The following MAST4 variants were observed in gnomAD, a reference collection of about 807,000 sequenced individuals.
MAST4 encodes the protein microtubule associated serine/threonine kinase family member 4.
A neutral mutation model predicts 162.7 loss-of-function variants in MAST4; 89 were observed. The observed-to-expected ratio is 0.55, with a 90% CI of 0.46 to 0.65. MAST4 has a LOEUF of 0.65. Ranked by LOEUF, MAST4 falls within the 30% of genes least tolerant of loss-of-function variation. MAST4 has a pLI of 0.00. For synonymous variants in MAST4, 1,479 were observed against 1,361.1 expected (o/e 1.09, Z -1.91); for missense variants, 3,153 against 3,374.0 (o/e 0.93, Z 1.62).
At chr5:67,136,987 C>T (rs73766481) in intron 19 of MAST4, among the ~76,000 whole-genome samples, 5,397 of 152,218 alleles carry the variant, frequency 0.035, 314 homozygotes, top group African/African-American at 0.12. Flanking sequence ...TCTTCTATCC[C>T]GAAAAGCATG....
rs778878694 is a variant in MAST4, at chr5:66,929,834, G to A, written c.674+29852G>A. ...AAGGTAGACTCTACATGCTAAGGAT[G>A]ATGGAACTGCAAGGTGGAAGTAGCT... On this transcript the variant is annotated intron_variant, in intron 4 of 28. Coordinates refer to ENST00000403625, the MANE Select transcript of MAST4 (RefSeq NM_001164664.2). Among the ~76,000 whole-genome samples the A allele has an allele frequency of 9.2e-5, 14 of 152,318 alleles. 1 individual carries two copies. Among genetic ancestry groups the A allele is most frequent in the South Asian group, 4.1e-4 (2 of 4,824 alleles).
At chr5:66,604,331 C>T (rs1427591923) in intron 1 of MAST4, among the ~76,000 whole-genome samples, 1 of 152,144 alleles carries the variant, frequency 6.6e-6, no homozygotes, top group African/African-American at 2.4e-5. Flanking sequence ...CCATCAATTC[C>T]CCTCTCAGAC....
chr5:67,007,838 A>ACAGCC (rs1752221574), intron 4 of MAST4, among the ~76,000 whole-genome samples: 1 of 152,246 alleles, frequency 6.6e-6, no homozygotes, highest in Non-Finnish European at 1.5e-5. Context: ...CTTAAAACCT[A>ACAGCC]CAGCCCTACT....
At chr5:67,154,436 T>G (rs569878532) in intron 26 of MAST4, among the ~76,000 whole-genome samples, 5 of 152,372 alleles carry the variant, frequency 3.3e-5, no homozygotes, top group African/African-American at 1.2e-4. Flanking sequence ...GAGACATAAT[T>G]GATCACTTTC....
At chr5:66,656,516 T>C (rs41358345) in intron 1 of MAST4, among the ~76,000 whole-genome samples, 2,897 of 152,166 alleles carry the variant, frequency 0.019, 94 homozygotes, top group African/African-American at 0.066. Context: ...AGTCACAGGG[T>C]TATCTGGTCT....
At chr5:66,932,060 T>C (rs1224273021) in intron 4 of MAST4, among the ~76,000 whole-genome samples, 3 of 152,220 alleles carry the variant, frequency 2.0e-5, no homozygotes, top group Non-Finnish European at 2.9e-5. Flanking sequence ...CCCTTCTGAA[T>C]TGCTCTAAAT....
At chr5:66,774,395 A>T (rs1227141902) in intron 2 of MAST4, among the ~76,000 whole-genome samples, 1 of 152,192 alleles carries the variant, frequency 6.6e-6, no homozygotes, top group Non-Finnish European at 1.5e-5. Context: ...CATCATGCAC[A>T]TACCTGTGGT....
At chr5:67,148,480 C>G (rs1771372327) in intron 23 of MAST4, among the ~76,000 whole-genome samples, 1 of 152,168 alleles carries the variant, frequency 6.6e-6, no homozygotes, top group Admixed American at 6.5e-5. Flanking sequence ...ATTCACCAGA[C>G]CAGGGTCAGT....
At chr5:67,161,329 A>T (rs200532667) in intron 27 of MAST4, among the ~76,000 whole-genome samples, 1 of 141,456 alleles carries the variant, frequency 7.1e-6, no homozygotes, top group Non-Finnish European at 1.5e-5. Flanking sequence ...CTCTGGGGGG[A>T]AAAAAAGTTA....
rs1774263686 is a variant in MAST4 at position 67,168,217 on chromosome 5, G to T, written c.*1166G>T. ...AGATACATTTTAATACATAGCTGGGGCCTTATGTTGTAGATGAAGCTTGCT... is the reference window on the plus strand; with the variant it reads ...AGATACATTTTAATACATAGCTGGGTCCTTATGTTGTAGATGAAGCTTGCT... On this transcript the variant is annotated 3_prime_UTR_variant, in exon 29 of 29. Coordinates refer to ENST00000403625, the MANE Select transcript of MAST4 (RefSeq NM_001164664.2). The T allele has an allele frequency of 6.6e-6, 1 of 152,126 alleles. No individual in the cohort carries two copies. The highest frequency in any genetic ancestry group is 1.9e-4 in the East Asian group (1 of 5,190). 9.4% of individuals were successfully genotyped at this position (152,126 alleles called of 1,614,324 possible).
rs1295690809 is a variant in MAST4 at position 66,750,888 on chromosome 5, A to G, written c.364-8821A>G. On this transcript the variant is annotated intron_variant, in intron 1 of 28. Coordinates refer to ENST00000403625, the MANE Select transcript of MAST4 (RefSeq NM_001164664.2). ...ACAGCAGTAACCTCTGCAGACTTAA[A>G]TGTCTCTGTCTGACAGCTTTGAAGA... Among the ~76,000 whole-genome samples the G allele has an allele frequency of 1.4e-4, 21 of 152,330 alleles. No homozygotes were observed. The East Asian group carries it at 3.7e-3, about 27-fold the overall frequency.
Position 66,940,827 on chromosome 5 carries a change from G to A in MAST4, c.674+40845G>A, listed in dbSNP as rs564936553. Among the ~76,000 whole-genome samples, 40 of 152,146 alleles carry A rather than the reference G, an allele frequency of 2.6e-4. 1 individual carries two copies. Among genetic ancestry groups the A allele is most frequent in the Admixed American group, 1.3e-3 (20 of 15,258 alleles). On this transcript the variant is annotated intron_variant, in intron 4 of 28. Coordinates refer to ENST00000403625, the MANE Select transcript of MAST4 (RefSeq NM_001164664.2). ...ATCCATTAGAGGAATCATTATAGCC[G>A]CCATAAACTTAGGAAAAATATTTCT...
At chr5:66,883,446 T>TTTTA (rs1761832465) in intron 3 of MAST4, among the ~76,000 whole-genome samples, 1 of 101,426 alleles carries the variant, frequency 9.9e-6, no homozygotes, top group African/African-American at 3.5e-5. Flanking sequence ...TTTTTTTTTT[T>TTTTA]TAGATGGAGT....
chr5:67,026,325 C>T (rs1754642453), intron 4 of MAST4, among the ~76,000 whole-genome samples: 1 of 152,178 alleles, frequency 6.6e-6, no homozygotes, highest in South Asian at 2.1e-4. Flanking sequence ...TGCCACTTGC[C>T]TACCACAACA....
At chr5:66,894,443 T>G (rs1026456499) in intron 3 of MAST4, among the ~76,000 whole-genome samples, 1 of 152,192 alleles carries the variant, frequency 6.6e-6, no homozygotes, top group Non-Finnish European at 1.5e-5. Context: ...TGATAACTCT[T>G]TTGTTTTATA....
chr5:66,785,114 C>A (rs908218848), intron 2 of MAST4, among the ~76,000 whole-genome samples: 1 of 152,058 alleles, frequency 6.6e-6, no homozygotes, highest in Non-Finnish European at 1.5e-5. Flanking sequence ...GCCTGTAATC[C>A]CAGCTACTTG....
Position 67,129,585 on chromosome 5 carries a change from A to G in MAST4, c.1746-625A>G, listed in dbSNP as rs142388306. 7.5e-3 allele frequency among the ~76,000 whole-genome samples: 1,144 copies of G among 152,136 alleles called. 13 individuals carry two copies. The highest frequency in any genetic ancestry group is 0.024 in the African/African-American group (1,005 of 41,516). On this transcript the variant is annotated intron_variant, in intron 14 of 28. Transcript: ENST00000403625. ...AAAACAAGCAAAAAATTAGCTGGGC[A>G]TGGTGGCGTGCACCTGTAATCCCAT...
At chr5:66,867,170 A>G (rs370908902) in intron 3 of MAST4, among the ~76,000 whole-genome samples, 4 of 152,084 alleles carry the variant, frequency 2.6e-5, no homozygotes, top group Non-Finnish European at 5.9e-5. Flanking sequence ...CTAATGACAG[A>G]TTTTTTTTAA....
intron 1 of MAST4, among the ~76,000 whole-genome samples, chr5:66,740,526 G>T (rs1752426647): frequency 1.3e-5 from 2 of 152,184 alleles, no homozygotes; most frequent in African/African-American, 4.8e-5. Flanking sequence ...GCTCACAGAA[G>T]GCCTGCAAAT....
Sources: gnomAD v4.1 joint callset for allele counts (sites outside exome capture counted in the v4.1 genomes callset) on GRCh38, gnomAD v4.1.1 for gene constraint, MANE v1.5 for transcripts, NCBI Gene and HGNC (gene_info 2026-07-23, HGNC 2026-07-21) for gene names.